The following PIEZO2 variants were observed in gnomAD, a reference collection of about 807,000 sequenced individuals.
PIEZO2 encodes the protein piezo type mechanosensitive ion channel component 2, also known as piezo-type mechanosensitive ion channel component 2.
PIEZO2 carries 172 observed loss-of-function variants against 337.3 expected under a neutral mutation model. The ratio of observed to expected loss-of-function variants is 0.51; its 90% CI spans 0.45 to 0.58. PIEZO2 has a LOEUF of 0.58. Ranked by LOEUF, PIEZO2 falls within the 20% of genes least tolerant of loss-of-function variation. PIEZO2 has a pLI of 0.00. For missense variants in PIEZO2, 3,028 were observed against 3,391.3 expected, an observed-to-expected ratio of 0.89 and a Z score of 2.66; for synonymous variants, 1,251 against 1,228.5, an observed-to-expected ratio of 1.02 and a Z score of -0.38.
At chr18:10,832,276 T>C (rs1172883937) in intron 7 of PIEZO2, among the ~76,000 whole-genome samples, 1 of 151,958 alleles carries the variant, frequency 6.6e-6, no homozygotes, top group African/African-American at 2.4e-5. Flanking sequence ...GAGTTGGAAA[T>C]ACTCTCATTA....
chr18:11,012,009 C>G (rs2035922604), intron 2 of PIEZO2, among the ~76,000 whole-genome samples: 1 of 152,162 alleles, frequency 6.6e-6, no homozygotes, highest in South Asian at 2.1e-4. Context: ...ATATAAACAT[C>G]TGTAAAACCG....
chr18:10,945,050 C>T lies in PIEZO2; in HGVS notation c.287-33822G>A, dbSNP rs1426017590. 6.6e-6 allele frequency among the ~76,000 whole-genome samples: 1 copy of T among 152,090 alleles called. No homozygotes were observed. ...GGGATGTCAAGAATGCTACAGTTCACAGGAAAGAGTATTAGAGAATAGATT... is the reference window on the plus strand; with the variant it reads ...GGGATGTCAAGAATGCTACAGTTCATAGGAAAGAGTATTAGAGAATAGATT... On this transcript the variant is annotated intron_variant, in intron 3 of 55. Transcript: ENST00000674853. This position sits in a 1 kb window ranked among gnomAD's most constrained non-coding sequence, Gnocchi z 4.0.
chr18:11,066,401 G>A (rs1395265219), intron 1 of PIEZO2, among the ~76,000 whole-genome samples, 179 bp from the exon 2 acceptor site: 2 of 152,264 alleles, frequency 1.3e-5, no homozygotes, highest in African/African-American at 4.8e-5. Context: ...TCATCACTGT[G>A]TTGAGCATGA....
rs182348480 is a variant in PIEZO2 at position 11,012,223 on chromosome 18, A to C, written c.161-32563T>G. The stretch of plus-strand genomic sequence containing the variant: ...TTTAGCATCCTCTTTAAGTTCCATA[A>C]GTGCTCCATTATGACATCTAAATAT... On this transcript the variant is annotated intron_variant, in intron 2 of 55. Transcript: ENST00000674853. 1.4e-4 allele frequency among the ~76,000 whole-genome samples: 22 copies of C among 152,330 alleles called. No individual in the cohort carries two copies. In the East Asian group the frequency reaches 4.2e-3, roughly 29 times the overall value.
At chr18:10,737,968 G>A (rs539794762) in intron 33 of PIEZO2, 14 of 152,152 alleles carry the variant, frequency 9.2e-5, no homozygotes, top group Non-Finnish European at 1.8e-4. Flanking sequence ...TTTTGCCCAC[G>A]ATTTCAGAAA....
At chr18:10,997,233 T>C (rs1192220041) in intron 2 of PIEZO2, among the ~76,000 whole-genome samples, 1 of 150,336 alleles carries the variant, frequency 6.7e-6, no homozygotes, top group East Asian at 1.9e-4. Context: ...ACCAACCAGA[T>C]TGACTGCCTG....
Position 10,714,947 on chromosome 18 carries a change from A to G in PIEZO2, c.5257-17T>C. ...AACATTGCCCTGAGGAGAATGAGAC[A>G]TTGCCACAGTTCTTATGGAGGCATC... On this transcript the variant is annotated splice_polypyrimidine_tract_variant and intron_variant, in intron 38 of 55. Transcript: ENST00000674853. The G allele has an allele frequency of 1.3e-6, 2 of 1,535,836 alleles. No homozygotes were observed. Among genetic ancestry groups the G allele is most frequent in the Non-Finnish European group, 1.7e-6 (2 of 1,145,974 alleles).
At chr18:11,147,562 G>A (rs2040841223) in intron 1 of PIEZO2, among the ~76,000 whole-genome samples, 1 of 152,244 alleles carries the variant, frequency 6.6e-6, no homozygotes, top group South Asian at 2.1e-4. Context: ...TTCTGCGAAG[G>A]CCACGCCCTC....
intron 2 of PIEZO2, among the ~76,000 whole-genome samples, chr18:11,058,751 A>C (rs941773029): frequency 6.6e-6 from 1 of 152,084 alleles, no homozygotes; most frequent in African/African-American, 2.4e-5. Flanking sequence ...AACGAACAAA[A>C]CCTCCAAGAA....
rs568994295 is a variant in PIEZO2 at position 10,781,658 on chromosome 18, T to C, written c.2493-1292A>G. On this transcript the variant is annotated intron_variant, in intron 17 of 55. Coordinates refer to ENST00000674853, the MANE Select transcript of PIEZO2 (RefSeq NM_001378183.1). The surrounding 1 kb of genome is among the most constrained non-coding windows in gnomAD (Gnocchi z 4.1). ...AATAATTTCTTCCTATATTATTACA[T>C]TTTCATAAGGCTAACTTTGTAAATT... Among the ~76,000 whole-genome samples the C allele has an allele frequency of 5.3e-4, 81 of 152,306 alleles. No individual in the cohort carries two copies. Among genetic ancestry groups the C allele is most frequent in the African/African-American group, 1.8e-3 (75 of 41,568 alleles).
chr18:10,784,840 G>C lies in PIEZO2; in HGVS notation c.2436C>G (p.Phe812Leu). 1 of 1,537,716 alleles carries C rather than the reference G, an allele frequency of 6.5e-7. No homozygotes were observed. The highest frequency in any genetic ancestry group is 8.7e-7 in the Non-Finnish European group (1 of 1,146,968). ...ILHLHYFHDR[F>L]LELTDLKSIP... ...TGGACTTGAGGTCTGTGAGTTCAAG[G>C]AACCGGTCATGGAAGTAGTGCAGGT... Residue 812 changes from phenylalanine (F) to leucine (L), a missense_variant, in exon 17 of 56, where the codon TTC (phenylalanine) becomes TTG (leucine). Physicochemically the swap from Phe to Leu is conservative, Grantham distance 22 (BLOSUM62 0). Around this residue, in one of 5 missense-constraint regions of PIEZO2, gnomAD observed 1,925 missense variants for 2,051.9 expected, o/e 0.94. Transcript: ENST00000674853. This position sits in a 1 kb window ranked among gnomAD's most constrained non-coding sequence, Gnocchi z 4.5.
intron 42 of PIEZO2, 31 bp downstream of exon 42, chr18:10,704,363 G>A: frequency 6.5e-7 from 1 of 1,533,682 alleles, no homozygotes; most frequent in East Asian, 2.4e-5. Flanking sequence ...GCCGCCTGAA[G>A]CCATCCACAG....
At chr18:11,140,008 C>T (rs2040596855) in intron 1 of PIEZO2, among the ~76,000 whole-genome samples, 3 of 152,142 alleles carry the variant, frequency 2.0e-5, no homozygotes, top group Admixed American at 2.0e-4. Context: ...GGCAATGCAC[C>T]CACCTGGTCT....
In PIEZO2 at chr18:10,795,138, TG is replaced by T; in HGVS notation, c.1528-137del. Reference sequence around the variant, plus strand: ...GGGAGAGTAGAGAGTTGTGGTGGAGTGATGGAGACCCCAAGCCGTGGAGTGG... The same window carrying T: ...GGGAGAGTAGAGAGTTGTGGTGGAGTATGGAGACCCCAAGCCGTGGAGTGG... On this transcript the variant is annotated intron_variant, in intron 12 of 55. Transcript: ENST00000674853. This position sits in a 1 kb window ranked among gnomAD's most constrained non-coding sequence, Gnocchi z 4.4. The T allele has an allele frequency of 1.3e-6, 1 of 751,242 alleles. No homozygotes were observed. 46.5% of individuals were successfully genotyped at this position (751,242 alleles called of 1,614,324 possible).
intron 1 of PIEZO2, among the ~76,000 whole-genome samples, chr18:11,113,643 G>C (rs1348925560): frequency 6.6e-6 from 1 of 152,110 alleles, no homozygotes; most frequent in Non-Finnish European, 1.5e-5. Flanking sequence ...TACCACAATA[G>C]TCTTTTCAGA....
intron 24 of PIEZO2, 133 bp from the exon 25 acceptor site, chr18:10,760,042 A>C (rs972153294): frequency 1.3e-6 from 1 of 763,792 alleles, no homozygotes; most frequent in African/African-American, 1.7e-5. Context: ...CAGATTCACA[A>C]ATGCTTGCTC....
chr18:10,705,639 G>A lies in PIEZO2; in HGVS notation c.5696C>T (p.Pro1899Leu). 6.5e-7 allele frequency: 1 copy of A among 1,536,982 alleles called. No homozygotes were observed. Among genetic ancestry groups the A allele is most frequent in the Non-Finnish European group, 8.7e-7 (1 of 1,146,868 alleles). ...EEEAGSTAPE[P>L]REAKEYEATG... The stretch of plus-strand genomic sequence containing the variant: ...GGCCTCGTACTCCTTGGCCTCCCTG[G>A]GCTCAGGCGCCGTGCTCCCTGCCTC... The change falls in exon 41 of 56, where the codon CCC becomes CTC. Residue 1899 changes from proline to leucine, a missense_variant. Around this residue, in one of 5 missense-constraint regions of PIEZO2, gnomAD observed 1,925 missense variants for 2,051.9 expected, o/e 0.94. Coordinates refer to ENST00000674853, the MANE Select transcript of PIEZO2 (RefSeq NM_001378183.1).
At chr18:10,702,207 C>G in intron 42 of PIEZO2, 36 bp from the exon 43 acceptor site, 5 of 1,515,108 alleles carry the variant, frequency 3.3e-6, no homozygotes, top group Non-Finnish European at 4.4e-6. Context: ...AAACATTACT[C>G]CTTTTAGGAA....
chr18:10,764,638 C>A (rs573205998), intron 21 of PIEZO2, among the ~76,000 whole-genome samples: 9 of 151,878 alleles, frequency 5.9e-5, no homozygotes, highest in African/African-American at 2.2e-4. Flanking sequence ...AATGTGGAGA[C>A]TACATGACTG....
Sources: allele counts gnomAD v4.1 joint callset (sites outside exome capture counted in the v4.1 genomes callset), GRCh38; gene constraint gnomAD v4.1.1; regional missense constraint gnomAD v4.1.1; non-coding constraint Gnocchi (gnomAD v3.1); transcripts MANE v1.5; gene names NCBI Gene and HGNC (gene_info 2026-07-23, HGNC 2026-07-21).